CCDC30: variants seen among roughly 807,000 people sequenced by gnomAD.
CCDC30 encodes coiled-coil domain-containing protein 30.
Under a neutral mutation model 100.2 loss-of-function variants are expected in CCDC30, and 70 were observed. The ratio of observed to expected loss-of-function variants is 0.70; its 90% CI spans 0.58 to 0.85. The LOEUF (loss-of-function observed/expected upper bound fraction) is 0.85, where lower values mean the gene tolerates loss of function less well. Among genes scored for constraint, CCDC30 ranks in the 40% least tolerant of loss-of-function variants. CCDC30 has a pLI of 0.00. For missense variants in CCDC30, 652 were observed against 771.2 expected, an observed-to-expected ratio of 0.85 and a Z score of 1.83; for synonymous variants, 233 against 269.5, an observed-to-expected ratio of 0.86 and a Z score of 1.33.
At chr1:42,563,475 G>T (rs369708809) in intron 6 of CCDC30, among the ~76,000 whole-genome samples, 5 of 152,176 alleles carry the variant, frequency 3.3e-5, no homozygotes, top group African/African-American at 1.2e-4. Context: ...GGTGAGGGGA[G>T]GGAACTTAGA....
At chr1:42,642,374 A>G in intron 12 of CCDC30, 99 bp from the exon 17 acceptor site, 1 of 1,128,352 alleles carries the variant, frequency 8.9e-7, no homozygotes, top group Non-Finnish European at 1.2e-6. Flanking sequence ...AAAAAAGTAA[A>G]TAAGGGAAAA....
chr1:42,651,491 A>G (rs1289035291), intron 15 of CCDC30, among the ~76,000 whole-genome samples: 1 of 152,128 alleles, frequency 6.6e-6, no homozygotes, highest in Non-Finnish European at 1.5e-5. Context: ...GCTCAACATC[A>G]TGAATCGTTA....
chr1:42,647,897 C>A (rs1251428290), intron 15 of CCDC30, among the ~76,000 whole-genome samples: 1 of 152,058 alleles, frequency 6.6e-6, no homozygotes, highest in Non-Finnish European at 1.5e-5. Flanking sequence ...AATACAAAAT[C>A]TATGGGATAT....
At chr1:42,636,139 G>T (rs1458412191) in intron 11 of CCDC30, among the ~76,000 whole-genome samples, 4 of 152,070 alleles carry the variant, frequency 2.6e-5, no homozygotes, top group Non-Finnish European at 5.9e-5. Flanking sequence ...TAGAAGTCCA[G>T]ATTCACTGGG....
At chr1:42,530,028 C>T (rs35543038) in intron 6 of CCDC30, among the ~76,000 whole-genome samples, 1 of 152,192 alleles carries the variant, frequency 6.6e-6, no homozygotes, top group Non-Finnish European at 1.5e-5. Context: ...ACCAGTGCAC[C>T]TACAACATAC....
At position 42,499,780 on chromosome 1, in the gene CCDC30, C is replaced by CTT. The variant is rs113815487; in HGVS notation, c.456+875_456+876dup. Among the ~76,000 whole-genome samples, 263 of 147,814 alleles carry CTT rather than the reference C, an allele frequency of 1.8e-3. No individual in the cohort carries two copies. In the East Asian group the frequency reaches 0.018, roughly 10 times the overall value. On this transcript the variant is annotated intron_variant, in intron 6 of 16. Transcript: ENST00000668663. ...TGTGCCACTGTTTCTGGCTTGTATTCTTTTTTTTTTTTAAGTTTTTAAACT... is the reference window on the plus strand; with the variant it reads ...TGTGCCACTGTTTCTGGCTTGTATTCTTTTTTTTTTTTTTAAGTTTTTAAACT...
At chr1:42,482,763 T>C (rs1643982770) in exon 3 of CCDC30, 1 of 1,233,690 alleles carries the variant, frequency 8.1e-7, no homozygotes, top group Non-Finnish European at 1.0e-6. Flanking sequence ...CATGAAGAGA[T>C]TCAAAGGCTC....
chr1:42,532,014 G>A (rs766850795), intron 6 of CCDC30, among the ~76,000 whole-genome samples: 18 of 152,134 alleles, frequency 1.2e-4, no homozygotes, highest in East Asian at 7.8e-4. Flanking sequence ...TGTTTTGGCC[G>A]GGTGCAGTGG....
intron 7 of CCDC30, among the ~76,000 whole-genome samples, chr1:42,570,034 G>A (rs1447863775): frequency 2.0e-5 from 3 of 152,166 alleles, no homozygotes; most frequent in African/African-American, 7.2e-5. Flanking sequence ...TAGATGACAG[G>A]TTGATGGGTG....
chr1:42,582,464 T>C (rs1041633284), intron 9 of CCDC30, among the ~76,000 whole-genome samples: 1 of 152,128 alleles, frequency 6.6e-6, no homozygotes. Flanking sequence ...GACTGTAAGG[T>C]GGATGCCTAA....
chr1:42,468,120 C>T (rs190866034), intron 1 of CCDC30, among the ~76,000 whole-genome samples: 108 of 152,284 alleles, frequency 7.1e-4, no homozygotes, highest in Non-Finnish European at 1.4e-3. Context: ...CTCAATAACC[C>T]TCATATAGTA....
chr1:42,525,724 G>A (rs935327479), intron 6 of CCDC30, among the ~76,000 whole-genome samples: 2 of 152,080 alleles, frequency 1.3e-5, no homozygotes, highest in African/African-American at 4.8e-5. Context: ...TTGCTGAATA[G>A]CTTAATTCTT....
At chr1:42,653,824 A>G (rs769729997) in exon 17 of CCDC30, 1 of 1,613,058 alleles carries the variant, frequency 6.2e-7, no homozygotes, top group South Asian at 1.1e-5. Flanking sequence ...TTAGTTTTTC[A>G]GGAAAAGGTT....
intron 6 of CCDC30, among the ~76,000 whole-genome samples, chr1:42,522,452 T>C (rs1644663094): frequency 6.6e-6 from 1 of 152,238 alleles, no homozygotes. Flanking sequence ...TTATGTTTAG[T>C]TGACTTTGGA....
chr1:42,606,804 TCA>T (rs1646511187), intron 10 of CCDC30, among the ~76,000 whole-genome samples: 1 of 152,276 alleles, frequency 6.6e-6, no homozygotes, highest in East Asian at 1.9e-4. Context: ...CTGAATTGCT[TCA>T]TAGGTACCAT....
At chr1:42,496,440 C>T (rs1644233367) in intron 4 of CCDC30, among the ~76,000 whole-genome samples, 1 of 151,380 alleles carries the variant, frequency 6.6e-6, no homozygotes, top group Non-Finnish European at 1.5e-5. Flanking sequence ...TTTAACACAA[C>T]TTTGTCTGTT....
At chr1:42,519,048 T>C (rs1331108168) in intron 6 of CCDC30, among the ~76,000 whole-genome samples, 1 of 152,240 alleles carries the variant, frequency 6.6e-6, no homozygotes, top group African/African-American at 2.4e-5. Context: ...ATATGGGTGT[T>C]TTTCTGTTCA....
chr1:42,568,330 A>G (rs532780544), intron 7 of CCDC30, among the ~76,000 whole-genome samples: 1 of 152,110 alleles, frequency 6.6e-6, no homozygotes, highest in African/African-American at 2.4e-5. Context: ...GGCCAGGCTG[A>G]TCTCGAACTC....
At chr1:42,505,852 T>C (rs72659933) in intron 6 of CCDC30, among the ~76,000 whole-genome samples, 20,711 of 152,214 alleles carry the variant, frequency 0.14, 1,553 homozygotes, top group East Asian at 0.18. Context: ...AATATGAGGC[T>C]AGTCTTCCCC....
Sources: gnomAD v4.1 joint callset for allele counts (sites outside exome capture counted in the v4.1 genomes callset) on GRCh38, gnomAD v4.1.1 for gene constraint, MANE v1.5 for transcripts, NCBI Gene and HGNC (gene_info 2026-07-23, HGNC 2026-07-21) for gene names.